STARD13: variants seen among roughly 807,000 people sequenced by gnomAD.
The protein encoded by STARD13 is stAR-related lipid transfer protein 13.
A neutral mutation model predicts 106.4 loss-of-function variants in STARD13; 62 were observed. The ratio of observed to expected loss-of-function variants is 0.58; its 90% CI spans 0.48 to 0.72. The LOEUF (loss-of-function observed/expected upper bound fraction) is 0.72, where lower values mean the gene tolerates loss of function less well. STARD13 is among the 30% of genes least tolerant of loss of function. The pLI, the probability that STARD13 is intolerant of heterozygous loss-of-function variation, is 0.00. For synonymous variants in STARD13, 565 were observed against 553.0 expected (o/e 1.02, Z -0.31); for missense variants, 1,387 against 1,424.0 (o/e 0.97, Z 0.42).
At chr13:33,618,775 C>T in the STARD13 span, among the ~76,000 whole-genome samples, 261 of 152,008 alleles carry the variant, frequency 1.7e-3, 5 homozygotes, top group East Asian at 0.033. Context: ...ATGTTTTGAA[C>T]TGCAGTGCAG....
the STARD13 span, among the ~76,000 whole-genome samples, chr13:33,634,298 C>T: frequency 6.6e-6 from 1 of 152,188 alleles, no homozygotes; most frequent in Non-Finnish European, 1.5e-5. Context: ...CCATGAATTA[C>T]TGACTTACCC....
At chr13:33,570,165 C>T in the STARD13 span, among the ~76,000 whole-genome samples, 2 of 147,868 alleles carry the variant, frequency 1.4e-5, 1 homozygote, top group African/African-American at 5.0e-5. Context: ...TCTCATCTGA[C>T]CCATTTAAAG....
intron 3 of STARD13, among the ~76,000 whole-genome samples, chr13:33,148,311 T>A (rs751066563): frequency 6.6e-6 from 1 of 152,184 alleles, no homozygotes; most frequent in Non-Finnish European, 1.5e-5. Flanking sequence ...AGAGAGAGCA[T>A]ATTTGCAAAA....
chr13:33,356,941 C>T, the STARD13 span, among the ~76,000 whole-genome samples: 3 of 152,176 alleles, frequency 2.0e-5, no homozygotes, highest in Non-Finnish European at 4.4e-5. Flanking sequence ...CATAGACTTC[C>T]TTATCTGTCA....
chr13:33,643,540 T>C, the STARD13 span, among the ~76,000 whole-genome samples: 22 of 152,356 alleles, frequency 1.4e-4, no homozygotes, highest in South Asian at 1.4e-3. Flanking sequence ...TTGAGAAATA[T>C]AGACTTGAGA....
chr13:33,538,387 A>G, the STARD13 span, among the ~76,000 whole-genome samples: 3 of 152,308 alleles, frequency 2.0e-5, no homozygotes, highest in Admixed American at 2.0e-4. Context: ...TAAAAATGCG[A>G]GTTCAGGGCC....
At chr13:33,549,018 A>G in the STARD13 span, among the ~76,000 whole-genome samples, 1 of 152,188 alleles carries the variant, frequency 6.6e-6, no homozygotes, top group African/African-American at 2.4e-5. Context: ...GATAATTATT[A>G]CCATATAAAT....
chr13:33,631,590 A>G, the STARD13 span, among the ~76,000 whole-genome samples: 17 of 152,254 alleles, frequency 1.1e-4, no homozygotes, highest in African/African-American at 3.9e-4. Flanking sequence ...TTTGGGCTCA[A>G]CAGTGCGAAA....
At chr13:33,563,827 A>G in the STARD13 span, among the ~76,000 whole-genome samples, 1 of 147,526 alleles carries the variant, frequency 6.8e-6, no homozygotes, top group Non-Finnish European at 1.5e-5. Flanking sequence ...CTATCCATCA[A>G]CAAGGGATAA....
At chr13:33,596,448 T>G in the STARD13 span, among the ~76,000 whole-genome samples, 4 of 152,182 alleles carry the variant, frequency 2.6e-5, no homozygotes, top group Non-Finnish European at 5.9e-5. Context: ...TTATACATAT[T>G]TATGGGGTAC....
chr13:33,150,291 G>A (rs1881103056), intron 3 of STARD13, among the ~76,000 whole-genome samples: 1 of 152,192 alleles, frequency 6.6e-6, no homozygotes, highest in Non-Finnish European at 1.5e-5. Context: ...CATCTTATTT[G>A]CATTCTTCAT....
downstream of STARD13, among the ~76,000 whole-genome samples, chr13:33,344,299 AT>A (rs1159191518): frequency 6.6e-6 from 1 of 152,162 alleles, no homozygotes; most frequent in Admixed American, 6.6e-5. Flanking sequence ...CTTGACTTAG[AT>A]TTTTTTGTTA....
chr13:33,268,101 T>C (rs567630156), intron 1 of STARD13, among the ~76,000 whole-genome samples: 11 of 152,374 alleles, frequency 7.2e-5, no homozygotes, highest in African/African-American at 2.2e-4. Flanking sequence ...ATGAAGTTCA[T>C]ACACTGGACT....
intron 4 of STARD13, among the ~76,000 whole-genome samples, chr13:33,134,099 G>A (rs997651615): frequency 2.0e-5 from 3 of 152,194 alleles, no homozygotes; most frequent in East Asian, 1.9e-4. Flanking sequence ...CAGGGACATG[G>A]AGCATCAGAA....
the STARD13 span, among the ~76,000 whole-genome samples, chr13:33,675,775 CTCTTT>C: frequency 1.3e-5 from 2 of 152,140 alleles, no homozygotes; most frequent in African/African-American, 2.4e-5. Context: ...TCTACGTCTT[CTCTTT>C]TAAGTTCTCT....
At chr13:33,467,759 A>G in the STARD13 span, among the ~76,000 whole-genome samples, 2 of 152,098 alleles carry the variant, frequency 1.3e-5, no homozygotes, top group African/African-American at 4.8e-5. Flanking sequence ...CAACAATTTC[A>G]TGATGTCATT....
At chr13:33,289,715 C>T (rs542466170), upstream of STARD13, among the ~76,000 whole-genome samples, 2 of 152,152 alleles carry the variant, frequency 1.3e-5, no homozygotes, top group East Asian at 1.9e-4. Context: ...GGGTATGGGG[C>T]GGCTAAAATC....
At chr13:33,400,138 C>T in the STARD13 span, among the ~76,000 whole-genome samples, 415 of 152,096 alleles carry the variant, frequency 2.7e-3, 1 homozygote, top group Non-Finnish European at 4.3e-3. Context: ...TGATTTCCCC[C>T]ACTCCCCATC....
the STARD13 span, among the ~76,000 whole-genome samples, chr13:33,439,995 C>T: frequency 6.6e-6 from 1 of 152,146 alleles, no homozygotes; most frequent in Non-Finnish European, 1.5e-5. Context: ...ACAATACAGG[C>T]CTTGTGCAGT....
Sources: allele counts gnomAD v4.1 joint callset (sites outside exome capture counted in the v4.1 genomes callset), GRCh38; gene constraint gnomAD v4.1.1; transcripts MANE v1.5; gene names NCBI Gene and HGNC (gene_info 2026-07-23, HGNC 2026-07-21).